The following UPRT variants were observed in gnomAD, a reference collection of about 807,000 sequenced individuals.
The protein encoded by UPRT is RP11-311P8.3.
UPRT carries 5 observed loss-of-function variants against 22.6 expected under a neutral mutation model. The observed-to-expected ratio is 0.22, with a 90% confidence interval of 0.12 to 0.47. UPRT has a LOEUF of 0.47. Ranked by LOEUF, UPRT falls within the 20% of genes least tolerant of loss-of-function variation. The pLI is 0.99. For synonymous variants in UPRT, 77 were observed against 87.7 expected, an observed-to-expected ratio of 0.88 and a Z score of 0.68; for missense variants, 181 against 239.9, an observed-to-expected ratio of 0.75 and a Z score of 1.62.
chrX:75,163,725 T>C (rs1369133513), intron 3 of UPRT, among the ~76,000 whole-genome samples: 3 of 112,190 alleles, frequency 2.7e-5, no homozygotes, highest in African/African-American at 9.7e-5. Context: ...ATGTGGTATA[T>C]CCATACAATA....
chrX:75,189,039 C>G (rs1298590381), intron 4 of UPRT, among the ~76,000 whole-genome samples: 1 of 111,866 alleles, frequency 8.9e-6, no homozygotes, highest in African/African-American at 3.3e-5. Context: ...CTTGGCTCCT[C>G]CCCCCGCTTC....
At chrX:75,195,397 T>G (rs1162311277) in intron 4 of UPRT, among the ~76,000 whole-genome samples, 2 of 112,018 alleles carry the variant, frequency 1.8e-5, no homozygotes, top group Non-Finnish European at 3.8e-5. Context: ...CCTGCACTGT[T>G]CAGGTCCAAC....
intron 4 of UPRT, among the ~76,000 whole-genome samples, chrX:75,240,467 A>G (rs970349689): frequency 3.6e-5 from 4 of 112,183 alleles, no homozygotes; most frequent in African/African-American, 1.3e-4. Flanking sequence ...AAACAAATGG[A>G]AACACATCCC....
chrX:75,283,095 C>T (rs1685340683), intron 1 of UPRT, among the ~76,000 whole-genome samples: 1 of 111,992 alleles, frequency 8.9e-6, no homozygotes, highest in South Asian at 3.7e-4. Flanking sequence ...AACAGCTACT[C>T]CAGCTCGGTT....
intron 4 of UPRT, among the ~76,000 whole-genome samples, chrX:75,213,278 G>A (rs761085132): frequency 8.9e-6 from 1 of 112,134 alleles, no homozygotes; most frequent in East Asian, 2.8e-4. Flanking sequence ...AATTTATTGC[G>A]AGAGTCAAGT....
At chrX:75,168,892 A>G (rs2082219587) in intron 4 of UPRT, among the ~76,000 whole-genome samples, 1 of 111,727 alleles carries the variant, frequency 9.0e-6, no homozygotes, top group African/African-American at 3.3e-5. Flanking sequence ...AGCAGGATAC[A>G]TTGAACCCAT....
intron 4 of UPRT, among the ~76,000 whole-genome samples, chrX:75,195,715 CG>C (rs1430248001): frequency 9.0e-6 from 1 of 111,586 alleles, no homozygotes; most frequent in East Asian, 2.8e-4. Flanking sequence ...GCAGTAACCC[CG>C]TTCAGGGTTC....
At chrX:75,254,023 C>G (rs146578830) in intron 4 of UPRT, among the ~76,000 whole-genome samples, 2 of 111,510 alleles carry the variant, frequency 1.8e-5, no homozygotes, top group Non-Finnish European at 3.8e-5. Flanking sequence ...AAATCTCCAG[C>G]TGAACTTTGT....
intron 4 of UPRT, among the ~76,000 whole-genome samples, chrX:75,268,827 C>T (rs920608815): frequency 8.9e-6 from 1 of 111,965 alleles, no homozygotes; most frequent in African/African-American, 3.2e-5. Context: ...ATGCTGGAAG[C>T]ATTCCCTTTG....
chrX:75,159,770 A>ATTT (rs35651743), intron 1 of UPRT, among the ~76,000 whole-genome samples: 6 of 46,317 alleles, frequency 1.3e-4, no homozygotes, highest in African/African-American at 2.4e-4. Context: ...CTTGCCTTAA[A>ATTT]TTTTTTTTTT....
chrX:75,203,494 ACACACACACACACACACACACT>A (rs1402492281), intron 4 of UPRT, among the ~76,000 whole-genome samples: 18 of 104,830 alleles, frequency 1.7e-4, no homozygotes, highest in Admixed American at 5.1e-4. Flanking sequence ...ACACACACAC[ACACACACACACACACACACACT>A]CACACACACA....
In UPRT at chrX:75,208,626, G is replaced by A. The variant is rs2082372669; in HGVS notation, c.-447+40747G>A. 2.7e-5 allele frequency among the ~76,000 whole-genome samples: 3 copies of A among 111,787 alleles called. No individual in the cohort carries two copies. The Admixed American group carries it at 2.8e-4, about 11-fold the overall frequency. ...GCACCACCACCTGGTTTACAACTCA[G>A]AGATCCTGGATAAAGTGGTAAGACC... On this transcript the variant is annotated intron_variant, in intron 4 of 13. Transcript: ENST00000652605.
intron 1 of UPRT, among the ~76,000 whole-genome samples, chrX:75,284,649 C>T (rs1010685284): frequency 3.6e-5 from 4 of 111,536 alleles, no homozygotes; most frequent in South Asian, 3.8e-4. Flanking sequence ...TGATGTGAAC[C>T]GCCTATGGGT....
intron 4 of UPRT, among the ~76,000 whole-genome samples, chrX:75,252,577 C>G (rs1250828179): frequency 8.9e-6 from 1 of 112,115 alleles, no homozygotes; most frequent in Non-Finnish European, 1.9e-5. Flanking sequence ...AATAGAAACA[C>G]TTTTACACTG....
At position 75,282,722 on chromosome X, in the gene UPRT, C is replaced by T. The variant is rs1009537165; in HGVS notation, c.386+8082C>T. Reference sequence around the variant, plus strand: ...GGTATGTCTTGGAGAAAGTTCCATGCACTGTTGAATAGAATATGTATTCTG... The same window carrying T: ...GGTATGTCTTGGAGAAAGTTCCATGTACTGTTGAATAGAATATGTATTCTG... On this transcript the variant is annotated intron_variant, in intron 1 of 6. Coordinates refer to ENST00000373383, the MANE Select transcript of UPRT (RefSeq NM_145052.4). Among the ~76,000 whole-genome samples, 6 of 111,544 alleles carry T rather than the reference C, an allele frequency of 5.4e-5. No individual in the cohort carries two copies. The Admixed American group carries it at 5.7e-4, about 11-fold the overall frequency.
At chrX:75,203,510 ACACACT>A (rs1360871494) in intron 4 of UPRT, among the ~76,000 whole-genome samples, 10 of 95,018 alleles carry the variant, frequency 1.1e-4, no homozygotes, top group African/African-American at 2.2e-4. Flanking sequence ...ACACACACAC[ACACACT>A]CACACACACA....
intron 4 of UPRT, among the ~76,000 whole-genome samples, chrX:75,208,498 A>C (rs766367691): frequency 1.2e-4 from 13 of 111,789 alleles, no homozygotes; most frequent in African/African-American, 4.2e-4. Flanking sequence ...ATTTAAGGGA[A>C]TAGTGAAAAA....
chrX:75,206,474 G>A (rs1038165571), intron 4 of UPRT, among the ~76,000 whole-genome samples: 1 of 110,833 alleles, frequency 9.0e-6, no homozygotes, highest in Admixed American at 9.6e-5. Flanking sequence ...AAGTTTTTAA[G>A]AGCTGGAGTA....
rs373981981 is a variant in UPRT at position 75,161,699 on chromosome X, A to C, written c.-615+1028A>C. ...TTATAATTACCATTTTTTTCTGCTG[A>C]TGTAACCTGAGACTTACAGACATTA... On this transcript the variant is annotated intron_variant, in intron 2 of 13. Coordinates refer to the UPRT transcript ENST00000652605. Among the ~76,000 whole-genome samples the C allele has an allele frequency of 5.4e-5, 6 of 111,773 alleles. No homozygotes were observed. In the East Asian group the frequency reaches 1.1e-3, roughly 21 times the overall value.
Sources: allele counts gnomAD v4.1 joint callset (sites outside exome capture counted in the v4.1 genomes callset), GRCh38; gene constraint gnomAD v4.1.1; transcripts MANE v1.5; gene names NCBI Gene and HGNC (gene_info 2026-07-23, HGNC 2026-07-21).